RGS12: variants seen among roughly 807,000 people sequenced by gnomAD.
The protein encoded by RGS12 is regulator of G protein signaling 12.
Under a neutral mutation model 120.1 loss-of-function variants are expected in RGS12, and 66 were observed. The ratio of observed to expected loss-of-function variants is 0.55; its 90% CI spans 0.45 to 0.67. The LOEUF is 0.67. Among genes scored for constraint, RGS12 ranks in the 30% least tolerant of loss-of-function variants. The probability of loss-of-function intolerance (pLI) is 0.00; values close to 1 mark genes in which losing one functional copy is unlikely to be tolerated. For missense variants in RGS12, 1,859 were observed against 1,957.7 expected, an observed-to-expected ratio of 0.95 and a Z score of 0.95; for synonymous variants, 827 against 804.7, an observed-to-expected ratio of 1.03 and a Z score of -0.47.
chr4:3,300,889 A>G (rs1031621879), intron 1 of RGS12, among the ~76,000 whole-genome samples: 6 of 152,224 alleles, frequency 3.9e-5, no homozygotes, highest in African/African-American at 9.6e-5. Context: ...TAGGGTCACA[A>G]TCACAGCTTC....
chr4:3,416,184 C>T (rs1423979040), intron 7 of RGS12, 63 bp downstream of exon 7: 6 of 1,570,962 alleles, frequency 3.8e-6, no homozygotes, highest in Admixed American at 1.8e-5. Context: ...TAGGGTCCAC[C>T]TTCAAAGAAC....
At position 3,365,201 on chromosome 4, in the gene RGS12, G is replaced by C. The variant is rs1229519038; in HGVS notation, c.1999-21215G>C. Among the ~76,000 whole-genome samples, 1 of 152,174 alleles carries C rather than the reference G, an allele frequency of 6.6e-6. No homozygotes were observed. Among genetic ancestry groups the C allele is most frequent in the East Asian group, 1.9e-4 (1 of 5,192 alleles). On this transcript the variant is annotated intron_variant, in intron 3 of 17. Coordinates refer to ENST00000336727, the MANE Select transcript of RGS12 (RefSeq NM_001394154.1). The surrounding 1 kb of genome is among the most constrained non-coding windows in gnomAD (Gnocchi z 4.0). Reference sequence around the variant, plus strand: ...CCAGGGATGGCAGACCGCAGTCCCCGGCCAGATCCACTGCCTGTTCTTGTA... The same window carrying C: ...CCAGGGATGGCAGACCGCAGTCCCCCGCCAGATCCACTGCCTGTTCTTGTA...
At chr4:3,382,297 C>T (rs933944203) in intron 3 of RGS12, among the ~76,000 whole-genome samples, 1 of 152,176 alleles carries the variant, frequency 6.6e-6, no homozygotes, top group Non-Finnish European at 1.5e-5. Context: ...CCGCAAGGTG[C>T]CCTCTCCTTC....
rs1224346213 is a variant in RGS12 at position 3,430,730 on chromosome 4, G to A, written c.3889G>A (p.Gly1297Arg). Residue 1297 changes from glycine to arginine, a missense_variant, in exon 17 of 18, where the codon GGG becomes AGG. Around this residue, in one of 3 missense-constraint regions of RGS12, gnomAD observed 517 missense variants for 488.5 expected, o/e 1.06. Transcript: ENST00000336727. ...TTPPGQKSPS[G>R]PFCTPQSPVS... ...CCCCCCCGGGCAGAAGTCTCCCAGC[G>A]GGCCCTTCTGCACTCCCCAGTCCCC... The A allele has an allele frequency of 1.8e-5, 29 of 1,596,794 alleles. No individual in the cohort carries two copies. Among genetic ancestry groups the A allele is most frequent in the African/African-American group, 6.7e-5 (5 of 74,448 alleles).
Position 3,374,388 on chromosome 4 carries a change from A to G in RGS12, c.1999-12028A>G, listed in dbSNP as rs1041172304. On this transcript the variant is annotated intron_variant, in intron 3 of 17. Coordinates refer to ENST00000336727, the MANE Select transcript of RGS12 (RefSeq NM_001394154.1). This position sits in a 1 kb window ranked among gnomAD's most constrained non-coding sequence, Gnocchi z 6.3. ...CGGGGACCGGTCTCCTTCCGCCACC[A>G]CCTTCCACGACAGGCTCGATTCGTC... Among the ~76,000 whole-genome samples, 8 of 151,502 alleles carry G rather than the reference A, an allele frequency of 5.3e-5. No homozygotes were observed. The highest frequency in any genetic ancestry group is 1.7e-4 in the African/African-American group (7 of 41,142).
At chr4:3,423,428 G>C in intron 12 of RGS12, 87 bp from the exon 13 acceptor site, 3 of 1,556,866 alleles carry the variant, frequency 1.9e-6, no homozygotes, top group Non-Finnish European at 2.6e-6. Flanking sequence ...AGGGCGGCCT[G>C]GGGCTGTGCT....
In RGS12 at chr4:3,431,270, G is replaced by C. The variant is rs1388621617; in HGVS notation, c.4114+315G>C. On this transcript the variant is annotated intron_variant, in intron 17 of 17. Transcript: ENST00000336727. ...GGGAACACCCTGGGTGAGGCCTGGG[G>C]GTTTCCGAAAATGGAGGCATTCCTT... 8 of 1,214,616 alleles carry C rather than the reference G, an allele frequency of 6.6e-6. No homozygotes were observed. In the East Asian group the frequency reaches 2.9e-4, roughly 44 times the overall value. 75.2% of individuals were successfully genotyped at this position (1,214,616 alleles called of 1,614,324 possible).
At chr4:3,408,449 G>A (rs1166459231) in intron 4 of RGS12, among the ~76,000 whole-genome samples, 1 of 152,206 alleles carries the variant, frequency 6.6e-6, no homozygotes, top group East Asian at 1.9e-4. Context: ...TGGCTCTGCT[G>A]TGTTCCTCTG....
chr4:3,354,286 G>T (rs1578800349), intron 3 of RGS12, among the ~76,000 whole-genome samples: 1 of 152,120 alleles, frequency 6.6e-6, no homozygotes. Context: ...TCCTGAGTGG[G>T]GCTCTGCCAT....
chr4:3,337,284 G>A (rs575252443), intron 2 of RGS12, among the ~76,000 whole-genome samples: 13 of 152,278 alleles, frequency 8.5e-5, no homozygotes, highest in Middle Eastern at 6.8e-3. Context: ...GCCAAGTGCC[G>A]CACCCACCAT....
In RGS12 at chr4:3,293,079, G is replaced by C. The variant is rs1290630405; in HGVS notation, c.-122G>C. 9 of 147,238 alleles carry C rather than the reference G, an allele frequency of 6.1e-5. No individual in the cohort carries two copies. Among genetic ancestry groups the C allele is most frequent in the Non-Finnish European group, 7.6e-5 (5 of 66,086 alleles). 9.1% of individuals were successfully genotyped at this position (147,238 alleles called of 1,614,324 possible). ...TGGCGCGGGCCGAAGCGCCCGGAGC[G>C]GGAGCGAGCGGCGCGGCCCGGTAGG... On this transcript the variant is annotated 5_prime_UTR_variant, in exon 1 of 18. Transcript: ENST00000336727.
At chr4:3,362,832 AGTGT>A (rs1466656717) in intron 3 of RGS12, among the ~76,000 whole-genome samples, 2 of 132,426 alleles carry the variant, frequency 1.5e-5, no homozygotes, top group African/African-American at 5.9e-5. Flanking sequence ...AGTGTGTTTG[AGTGT>A]GAGACTGAGT....
At position 3,302,691 on chromosome 4, in the gene RGS12, G is replaced by C. The variant is rs184286650; in HGVS notation, c.-102+9592G>C. Among the ~76,000 whole-genome samples, 350 of 152,336 alleles carry C rather than the reference G, an allele frequency of 2.3e-3. 1 individual carries two copies. The highest frequency in any genetic ancestry group is 7.2e-3 in the African/African-American group (298 of 41,578). On this transcript the variant is annotated intron_variant, in intron 1 of 17. Coordinates refer to ENST00000336727, the MANE Select transcript of RGS12 (RefSeq NM_001394154.1). ...TGTGCATGAGAAGGGAGGCGCCCCAGGAGTGAACAGGCACAGCCGGAGTGT... is the reference window on the plus strand; with the variant it reads ...TGTGCATGAGAAGGGAGGCGCCCCACGAGTGAACAGGCACAGCCGGAGTGT...
intron 17 of RGS12, among the ~76,000 whole-genome samples, chr4:3,434,267 A>G (rs903521724): frequency 5.9e-5 from 9 of 152,080 alleles, no homozygotes; most frequent in African/African-American, 2.2e-4. Context: ...ACTCACTATC[A>G]TGAGAACAGC....
At chr4:3,342,843 A>G (rs1204987111) in intron 2 of RGS12, 94 bp from the exon 3 acceptor site, 3 of 853,838 alleles carry the variant, frequency 3.5e-6, no homozygotes, top group African/African-American at 3.4e-5. Context: ...TTTGTTCCAC[A>G]GTATTCCTTG....
intron 17 of RGS12, among the ~76,000 whole-genome samples, chr4:3,437,317 C>T (rs1724907218): frequency 6.6e-6 from 1 of 152,214 alleles, no homozygotes; most frequent in African/African-American, 2.4e-5. Flanking sequence ...AGCACACTAG[C>T]TTCCTGGGGC....
rs1369373775 is a variant in RGS12, at chr4:3,374,418, G to T, written c.1999-11998G>T. Among the ~76,000 whole-genome samples, 1 of 152,106 alleles carries T rather than the reference G, an allele frequency of 6.6e-6. No individual in the cohort carries two copies. Among genetic ancestry groups the T allele is most frequent in the Non-Finnish European group, 1.5e-5 (1 of 68,016 alleles). On this transcript the variant is annotated intron_variant, in intron 3 of 17. Transcript: ENST00000336727. The surrounding 1 kb of genome is among the most constrained non-coding windows in gnomAD (Gnocchi z 6.3). The stretch of plus-strand genomic sequence containing the variant: ...CCACGACAGGCTCGATTCGTCCCTC[G>T]CATGCTGCCCTCCCAGCCTGGCCCT...
chr4:3,425,618 G>A (rs1723531452), intron 14 of RGS12, 58 bp downstream of exon 14: 6 of 1,388,470 alleles, frequency 4.3e-6, no homozygotes, highest in Admixed American at 3.5e-5. Flanking sequence ...TGCAGGGGAG[G>A]GGGCTATGGA....
chr4:3,385,779 C>CTCTTG (rs1158122648), intron 3 of RGS12: 1 of 153,760 alleles, frequency 6.5e-6, no homozygotes, highest in Non-Finnish European at 1.4e-5. Context: ...AGGCGTCTCC[C>CTCTTG]CAACCCTCCT....
Sources: gnomAD v4.1 joint callset for allele counts (sites outside exome capture counted in the v4.1 genomes callset) on GRCh38, gnomAD v4.1.1 for gene constraint, gnomAD v4.1.1 regional missense constraint, Gnocchi (gnomAD v3.1) non-coding constraint, MANE v1.5 for transcripts, NCBI Gene and HGNC (gene_info 2026-07-23, HGNC 2026-07-21) for gene names.